Variants in GRIK4 observed in about 807,000 individuals in gnomAD.
The protein encoded by GRIK4 is glutamate ionotropic receptor kainate type subunit 4.
Under a neutral mutation model 104.9 loss-of-function variants are expected in GRIK4, and 40 were observed. The observed-to-expected ratio is 0.38, with a 90% confidence interval of 0.30 to 0.50. The LOEUF (loss-of-function observed/expected upper bound fraction) is 0.50. Ranked by LOEUF, GRIK4 falls within the 20% of genes least tolerant of loss-of-function variation. The probability of loss-of-function intolerance (pLI) is 0.93; values close to 1 mark genes in which losing one functional copy is unlikely to be tolerated. For synonymous variants in GRIK4, 485 were observed against 524.9 expected, an observed-to-expected ratio of 0.92 and a Z score of 1.04; for missense variants, 1,047 against 1,308.1, an observed-to-expected ratio of 0.80 and a Z score of 3.08.
At chr11:120,774,948 G>C (rs1181123387) in intron 3 of GRIK4, among the ~76,000 whole-genome samples, 1 of 152,186 alleles carries the variant, frequency 6.6e-6, no homozygotes, top group Non-Finnish European at 1.5e-5. Context: ...CTACCACAGG[G>C]GTGAGAGACG....
chr11:120,700,691 T>C (rs1350844595), intron 3 of GRIK4, among the ~76,000 whole-genome samples: 1 of 152,126 alleles, frequency 6.6e-6, no homozygotes, highest in African/African-American at 2.4e-5. Context: ...ACTCCCGACC[T>C]CGTGATCCGC....
intron 3 of GRIK4, among the ~76,000 whole-genome samples, chr11:120,723,171 T>C (rs777914075): frequency 1.3e-5 from 2 of 152,248 alleles, no homozygotes; most frequent in Non-Finnish European, 2.9e-5. Context: ...TATTTTGTTG[T>C]CTGAAATTCA....
At chr11:120,684,864 C>A (rs888247602) in intron 3 of GRIK4, among the ~76,000 whole-genome samples, 32 of 152,140 alleles carry the variant, frequency 2.1e-4, no homozygotes, top group Admixed American at 2.0e-3. Flanking sequence ...CGCCCGCCAC[C>A]GCGCCCGGCT....
At chr11:120,813,686 G>A (rs1399522659) in intron 4 of GRIK4, among the ~76,000 whole-genome samples, 1 of 152,220 alleles carries the variant, frequency 6.6e-6, no homozygotes, top group Non-Finnish European at 1.5e-5. Flanking sequence ...TCACCTGGCT[G>A]TATTGGACTC....
intron 3 of GRIK4, among the ~76,000 whole-genome samples, chr11:120,763,830 C>T (rs1951789450): frequency 6.6e-6 from 1 of 152,086 alleles, no homozygotes; most frequent in Admixed American, 6.6e-5. Flanking sequence ...GATTTCCATT[C>T]TTTTGCATTT....
intron 1 of GRIK4, among the ~76,000 whole-genome samples, chr11:120,618,286 C>G (rs562714250): frequency 2.6e-5 from 4 of 152,244 alleles, no homozygotes; most frequent in African/African-American, 9.6e-5. Flanking sequence ...TTCGAAGTAG[C>G]AAAGCATTAA....
At chr11:120,884,577 CT>C (rs1022378117) in intron 11 of GRIK4, among the ~76,000 whole-genome samples, 13 of 152,362 alleles carry the variant, frequency 8.5e-5, no homozygotes, top group South Asian at 2.1e-4. Flanking sequence ...TCCTCCACCC[CT>C]GACCCCTCCT....
At position 120,986,086 on chromosome 11, in the gene GRIK4, C is replaced by G. The variant is rs1944742737; in HGVS notation, c.2697C>G (p.Asp899Glu). The change falls in exon 21 of 21, where the codon GAC (aspartate) becomes GAG (glutamate). Residue 899 changes from aspartate to glutamate, a missense_variant. Coordinates refer to ENST00000527524, the MANE Select transcript of GRIK4 (RefSeq NM_014619.5). Reference sequence around the variant, plus strand: ...AGCTGTGCGGGGCAGGGGAGCCCGACCAGCTCGCGCAGAGACTGGCGCAGG... The same window carrying G: ...AGCTGTGCGGGGCAGGGGAGCCCGAGCAGCTCGCGCAGAGACTGGCGCAGG... ...NGKLCGAGEP[D>E]QLAQRLAQEA... The G allele has an allele frequency of 6.0e-6, 9 of 1,511,532 alleles. No individual in the cohort carries two copies. The highest frequency in any genetic ancestry group is 1.4e-5 in the African/African-American group (1 of 69,024). The allele number at this position is 1,511,532 out of a possible 1,614,324, so 93.6% of individuals were successfully genotyped here.
intron 3 of GRIK4, among the ~76,000 whole-genome samples, chr11:120,779,604 C>T (rs990871506): frequency 3.6e-4 from 55 of 152,252 alleles, no homozygotes; most frequent in African/African-American, 1.3e-3. Context: ...TGAAATTGGT[C>T]AAGTGATTTA....
chr11:120,569,577 T>C (rs758373724), intron 1 of GRIK4, among the ~76,000 whole-genome samples: 40 of 152,134 alleles, frequency 2.6e-4, no homozygotes, highest in Admixed American at 5.2e-4. Flanking sequence ...ATGTCAGGGA[T>C]TTTTTTGTTG....
At chr11:120,708,086 T>C (rs1464782611) in intron 3 of GRIK4, among the ~76,000 whole-genome samples, 1 of 152,114 alleles carries the variant, frequency 6.6e-6, no homozygotes, top group Admixed American at 6.5e-5. Flanking sequence ...GGATGGGAGA[T>C]AGTGTGGTGG....
chr11:120,846,991 C>T (rs571960135), intron 8 of GRIK4, among the ~76,000 whole-genome samples: 1 of 152,288 alleles, frequency 6.6e-6, no homozygotes, highest in Non-Finnish European at 1.5e-5. Flanking sequence ...TCTCTCACCA[C>T]CCCCTTACCC....
chr11:120,556,647 A>AAC (rs1442664793), intron 1 of GRIK4, among the ~76,000 whole-genome samples: 2 of 152,102 alleles, frequency 1.3e-5, no homozygotes, highest in Admixed American at 1.3e-4. Flanking sequence ...CTTACTGGGT[A>AAC]ACACCTGTCT....
intron 3 of GRIK4, among the ~76,000 whole-genome samples, chr11:120,781,869 C>A (rs145411164): frequency 6.6e-6 from 1 of 152,160 alleles, no homozygotes; most frequent in African/African-American, 2.4e-5. Context: ...CATGTGACAA[C>A]CTGTGTGTCC....
At chr11:120,818,369 A>T (rs1158945772) in intron 5 of GRIK4, among the ~76,000 whole-genome samples, 2 of 151,672 alleles carry the variant, frequency 1.3e-5, no homozygotes, top group Non-Finnish European at 2.9e-5. Context: ...TATTCACTTT[A>T]GACAGAGTGG....
chr11:120,551,795 A>AAAT (rs150329330), intron 1 of GRIK4, among the ~76,000 whole-genome samples: 1,976 of 152,092 alleles, frequency 0.013, 36 homozygotes, highest in East Asian at 0.069. Flanking sequence ...ATAAATAAAT[A>AAAT]AATAAATAAA....
At chr11:120,865,824 A>G (rs1306242988) in intron 9 of GRIK4, among the ~76,000 whole-genome samples, 1 of 152,148 alleles carries the variant, frequency 6.6e-6, no homozygotes, top group Admixed American at 6.5e-5. Context: ...TGAAGAAAAT[A>G]GGTTTATTTG....
intron 11 of GRIK4, among the ~76,000 whole-genome samples, chr11:120,897,423 A>G (rs903330913): frequency 6.6e-6 from 1 of 151,398 alleles, no homozygotes; most frequent in Admixed American, 6.6e-5. Flanking sequence ...TCTTGAGGCC[A>G]GGAGTTTTGA....
At chr11:120,910,366 G>A (rs1942964488) in intron 13 of GRIK4, among the ~76,000 whole-genome samples, 1 of 152,198 alleles carries the variant, frequency 6.6e-6, no homozygotes, top group Non-Finnish European at 1.5e-5. Flanking sequence ...GGGAAGTGTG[G>A]TTGGAGTGAA....
Sources: gnomAD v4.1 joint callset for allele counts (sites outside exome capture counted in the v4.1 genomes callset) on GRCh38, gnomAD v4.1.1 for gene constraint, MANE v1.5 for transcripts, NCBI Gene and HGNC (gene_info 2026-07-23, HGNC 2026-07-21) for gene names.